The following FAM174A variants were observed in gnomAD, a reference collection of about 807,000 sequenced individuals.
FAM174A encodes the protein family with sequence similarity 174 member A.
A neutral mutation model predicts 14.3 loss-of-function variants in FAM174A; 14 were observed. That is an observed-to-expected ratio of 0.98 (90% CI 0.65 to 1.53). The LOEUF (loss-of-function observed/expected upper bound fraction) is 1.53. Among genes scored for constraint, FAM174A ranks in the 40% most tolerant of loss-of-function variants. FAM174A has a pLI of 0.00. For missense variants in FAM174A, 241 were observed against 249.6 expected, an observed-to-expected ratio of 0.97 and a Z score of 0.23; for synonymous variants, 108 against 111.4, an observed-to-expected ratio of 0.97 and a Z score of 0.19.
intron 2 of FAM174A, among the ~76,000 whole-genome samples, chr5:100,563,019 A>G (rs2112386950): frequency 6.6e-6 from 1 of 151,960 alleles, no homozygotes; most frequent in Non-Finnish European, 1.5e-5. Flanking sequence ...TACAGAAAAG[A>G]AGATGACTCA....
chr5:100,554,910 T>G lies in FAM174A; in HGVS notation c.435-7144T>G, dbSNP rs113583705. ...ATACTATCTAATTTTTTTTTAAATT[T>G]TGGATGGGTTGCGTAGCTTCTTTTT... On this transcript the variant is annotated intron_variant, in intron 1 of 2. Transcript: ENST00000312637. 8.3e-3 allele frequency among the ~76,000 whole-genome samples: 1,256 copies of G among 152,164 alleles called. 14 individuals carry two copies. Among genetic ancestry groups the G allele is most frequent in the African/African-American group, 0.029 (1,196 of 41,528 alleles).
chr5:100,535,526 G>A lies in FAM174A; in HGVS notation c.-5G>A, dbSNP rs757695873. On this transcript the variant is annotated 5_prime_UTR_variant, in exon 1 of 3. Coordinates refer to ENST00000312637, the MANE Select transcript of FAM174A (RefSeq NM_198507.3). ...CCCGGGTGGTGAGAGAGCGGTCCGG[G>A]AACGATGAAGGCCTCGCAGTGCTGC... 1 of 1,612,326 alleles carries A rather than the reference G, an allele frequency of 6.2e-7. No individual in the cohort carries two copies. Among genetic ancestry groups the A allele is most frequent in the Admixed American group, 1.7e-5 (1 of 59,962 alleles).
intron 1 of FAM174A, among the ~76,000 whole-genome samples, chr5:100,546,364 A>G (rs1268235460): frequency 1.3e-5 from 2 of 152,066 alleles, no homozygotes; most frequent in Non-Finnish European, 2.9e-5. Context: ...TACTATGGGA[A>G]GTGAGTAGGT....
At chr5:100,582,792 C>T (rs1175215897) in intron 2 of FAM174A, among the ~76,000 whole-genome samples, 1 of 152,002 alleles carries the variant, frequency 6.6e-6, no homozygotes, top group South Asian at 2.1e-4. Flanking sequence ...TAGCTTGTAG[C>T]TTTAGTAATC....
intron 1 of FAM174A, among the ~76,000 whole-genome samples, chr5:100,558,039 A>G (rs1170589427): frequency 1.3e-5 from 2 of 152,078 alleles, no homozygotes; most frequent in African/African-American, 4.8e-5. Context: ...TAGCGTGTCA[A>G]TTTTAGATCT....
At chr5:100,581,735 G>A (rs983072612) in intron 2 of FAM174A, among the ~76,000 whole-genome samples, 1 of 152,130 alleles carries the variant, frequency 6.6e-6, no homozygotes, top group East Asian at 1.9e-4. Context: ...AGTAGCCCCT[G>A]AACAGCATGA....
At chr5:100,561,855 G>A (rs1312512688) in intron 1 of FAM174A, among the ~76,000 whole-genome samples, 199 bp from the exon 2 acceptor site, 2 of 151,798 alleles carry the variant, frequency 1.3e-5, no homozygotes, top group Non-Finnish European at 2.9e-5. Context: ...GAAGAAACAG[G>A]CGATGGCACA....
At chr5:100,572,893 C>G (rs952081098) in intron 2 of FAM174A, among the ~76,000 whole-genome samples, 8 of 152,250 alleles carry the variant, frequency 5.3e-5, no homozygotes, top group Non-Finnish European at 1.2e-4. Context: ...TCCTATTTCT[C>G]CACATCCTCT....
intron 1 of FAM174A, among the ~76,000 whole-genome samples, chr5:100,541,270 G>A (rs1169719160): frequency 1.3e-5 from 2 of 152,114 alleles, no homozygotes; most frequent in Non-Finnish European, 2.9e-5. Context: ...TGGGAATGTG[G>A]CAGCAAGAGC....
rs1415741031 is a variant in FAM174A, at chr5:100,535,718, C to T, written c.188C>T (p.Ala63Val). 6.2e-7 allele frequency: 1 copy of T among 1,605,818 alleles called. No homozygotes were observed. The highest frequency in any genetic ancestry group is 8.5e-7 in the Non-Finnish European group (1 of 1,177,494). ...CCGCTGCCACCGGGCCCTACCCCTG[C>T]CCAGCAGCCGGGCCGTGGTCTGGCT... ...LPPLPPGPTPAQQPGRGLAEA... is the reference protein window; with the variant it reads ...LPPLPPGPTPVQQPGRGLAEA... Residue 63 changes from alanine (A) to valine (V), a missense_variant, in exon 1 of 3, where the codon GCC (alanine) becomes GTC (valine). By Grantham distance (64) the Ala-to-Val change is moderately conservative. Coordinates refer to ENST00000312637, the MANE Select transcript of FAM174A (RefSeq NM_198507.3).
In FAM174A at chr5:100,536,015, C is replaced by T. The variant is rs775952388; in HGVS notation, c.434+51C>T. 4.9e-5 allele frequency: 73 copies of T among 1,480,216 alleles called. 2 individuals are homozygous for T. In the South Asian group the frequency reaches 7.0e-4, roughly 14 times the overall value. 91.7% of individuals were successfully genotyped at this position (1,480,216 alleles called of 1,614,324 possible). ...CCCCGTGGGCCTGAGATACGCAGGC[C>T]GGTGATCTCCAGCAAGGCTGACTTC... On this transcript the variant is annotated intron_variant, in intron 1 of 2. Transcript: ENST00000312637.
chr5:100,582,286 G>A (rs1278121536), intron 2 of FAM174A, among the ~76,000 whole-genome samples: 1 of 151,820 alleles, frequency 6.6e-6, no homozygotes, highest in Non-Finnish European at 1.5e-5. Context: ...TACTTTCAAA[G>A]TAAAAATATA....
chr5:100,573,317 A>G (rs1746834328), intron 2 of FAM174A, among the ~76,000 whole-genome samples: 1 of 151,908 alleles, frequency 6.6e-6, no homozygotes, highest in Admixed American at 6.6e-5. Context: ...TTAGACATGA[A>G]GTCCTTGCCC....
At chr5:100,572,408 C>A (rs1160334417) in intron 2 of FAM174A, among the ~76,000 whole-genome samples, 1 of 149,334 alleles carries the variant, frequency 6.7e-6, no homozygotes, top group Non-Finnish European at 1.5e-5. Flanking sequence ...CGCCTCCCCC[C>A]ACCCCACAAC....
intron 2 of FAM174A, among the ~76,000 whole-genome samples, chr5:100,569,516 A>G (rs888375718): frequency 6.6e-6 from 1 of 151,874 alleles, no homozygotes; most frequent in African/African-American, 2.4e-5. Flanking sequence ...TATAAATAGT[A>G]CTGCAAGGAA....
At chr5:100,577,665 T>C (rs1746929094) in intron 2 of FAM174A, among the ~76,000 whole-genome samples, 1 of 152,096 alleles carries the variant, frequency 6.6e-6, no homozygotes, top group African/African-American at 2.4e-5. Flanking sequence ...ACACTAACCT[T>C]AGTCAAAGTA....
chr5:100,554,783 A>G (rs891942091), intron 1 of FAM174A, among the ~76,000 whole-genome samples: 1 of 152,084 alleles, frequency 6.6e-6, no homozygotes, highest in Non-Finnish European at 1.5e-5. Context: ...CTATCTGTCT[A>G]TCTATCTATC....
intron 2 of FAM174A, among the ~76,000 whole-genome samples, chr5:100,577,364 CTTAAAAAGCCCTAAA>C (rs1746923366): frequency 6.6e-6 from 1 of 152,048 alleles, no homozygotes; most frequent in Non-Finnish European, 1.5e-5. Flanking sequence ...AAATATGTAA[CTTAAAAAGCCCTAAA>C]TTTGCTTTTT....
intron 1 of FAM174A, among the ~76,000 whole-genome samples, chr5:100,553,606 A>C (rs1746307032): frequency 6.6e-6 from 1 of 152,088 alleles, no homozygotes; most frequent in Admixed American, 6.6e-5. Context: ...AAAACAGTAA[A>C]TTCATTTAGA....
Sources: allele counts gnomAD v4.1 joint callset (sites outside exome capture counted in the v4.1 genomes callset), GRCh38; gene constraint gnomAD v4.1.1; transcripts MANE v1.5; gene names NCBI Gene and HGNC (gene_info 2026-07-23, HGNC 2026-07-21).